The following GRM8 variants were observed in gnomAD, a reference collection of about 807,000 sequenced individuals.
The protein encoded by GRM8 is metabotropic glutamate receptor 8.
GRM8 carries 47 observed loss-of-function variants against 87.2 expected under a neutral mutation model. The ratio of observed to expected loss-of-function variants is 0.54; its 90% CI spans 0.43 to 0.69. GRM8 has a LOEUF of 0.69. Ranked by LOEUF, GRM8 falls within the 30% of genes least tolerant of loss-of-function variation. The probability of loss-of-function intolerance (pLI) is 0.00; values close to 1 mark genes in which losing one functional copy is unlikely to be tolerated. For missense variants in GRM8, 1,019 were observed against 1,139.2 expected (o/e 0.89, Z 1.52); for synonymous variants, 396 against 404.5 (o/e 0.98, Z 0.25).
chr7:126,482,849 G>A (rs1248666393), intron 9 of GRM8, among the ~76,000 whole-genome samples: 1 of 151,692 alleles, frequency 6.6e-6, no homozygotes, highest in East Asian at 1.9e-4. Context: ...AATTTTAAAG[G>A]GGAAAAACAT....
Position 126,626,101 on chromosome 7 carries a change from A to AGTGTGTGTGTGTGTGT in GRM8, c.1358-16619_1358-16604dup, listed in dbSNP as rs71312854. On this transcript the variant is annotated intron_variant, in intron 7 of 10. Coordinates refer to ENST00000339582, the MANE Select transcript of GRM8 (RefSeq NM_000845.3). ...TAGTGATGATTACATATATGAGAGA[A>AGTGTGTGTGTGTGTGT]GTGTGTGTGTGTGTGTGTGTGTGTG... Among the ~76,000 whole-genome samples, 892 of 148,822 alleles carry AGTGTGTGTGTGTGTGT rather than the reference A, an allele frequency of 6.0e-3. 7 individuals are homozygous for AGTGTGTGTGTGTGTGT. The highest frequency in any genetic ancestry group is 0.013 in the East Asian group (68 of 5,044).
chr7:127,129,619 T>C (rs1827564305), intron 2 of GRM8, among the ~76,000 whole-genome samples: 1 of 152,074 alleles, frequency 6.6e-6, no homozygotes, highest in Non-Finnish European at 1.5e-5. Flanking sequence ...TTACACACAG[T>C]AGGGGATTTA....
At chr7:127,239,839 C>T (rs899674091) in intron 2 of GRM8, among the ~76,000 whole-genome samples, 1 of 152,322 alleles carries the variant, frequency 6.6e-6, no homozygotes, top group South Asian at 2.1e-4. Flanking sequence ...CCAGAATCAC[C>T]TGTAAGATGG....
At chr7:126,602,810 G>A (rs991536621) in intron 8 of GRM8, among the ~76,000 whole-genome samples, 3 of 149,092 alleles carry the variant, frequency 2.0e-5, no homozygotes, top group African/African-American at 7.4e-5. Context: ...AGAGGTACAA[G>A]GAGGAACTGG....
intron 6 of GRM8, among the ~76,000 whole-genome samples, chr7:126,818,842 C>A (rs1794023027): frequency 6.6e-6 from 1 of 152,170 alleles, no homozygotes; most frequent in Non-Finnish European, 1.5e-5. Flanking sequence ...ACTCAGCTGT[C>A]CCATGTCAGC....
At chr7:126,514,821 G>T (rs1811942086) in intron 9 of GRM8, among the ~76,000 whole-genome samples, 1 of 151,588 alleles carries the variant, frequency 6.6e-6, no homozygotes, top group Non-Finnish European at 1.5e-5. Flanking sequence ...TATTTGGAGG[G>T]GTTAATATTT....
At chr7:126,648,565 T>C (rs1803436065) in intron 7 of GRM8, among the ~76,000 whole-genome samples, 1 of 152,206 alleles carries the variant, frequency 6.6e-6, no homozygotes, top group Non-Finnish European at 1.5e-5. Context: ...GTAAGAACAA[T>C]AGAACTGTCT....
chr7:126,856,588 T>C (rs1267266483), intron 6 of GRM8, among the ~76,000 whole-genome samples: 1 of 152,224 alleles, frequency 6.6e-6, no homozygotes, highest in Non-Finnish European at 1.5e-5. Flanking sequence ...GACTACTGAA[T>C]AAATTCATAA....
chr7:126,643,254 G>A (rs184440337), intron 7 of GRM8, among the ~76,000 whole-genome samples: 569 of 126,070 alleles, frequency 4.5e-3, no homozygotes, highest in Non-Finnish European at 6.0e-3. Flanking sequence ...TTGTGCCACT[G>A]TACTCCAGCA....
intron 6 of GRM8, among the ~76,000 whole-genome samples, chr7:126,832,499 AAAGTT>A (rs1563231169): frequency 6.6e-6 from 1 of 152,224 alleles, no homozygotes; most frequent in African/African-American, 2.4e-5. Context: ...AAAACACTAT[AAAGTT>A]GAGTTAAAAT....
intron 3 of GRM8, among the ~76,000 whole-genome samples, chr7:127,018,327 G>A (rs974210534): frequency 3.3e-5 from 5 of 151,308 alleles, no homozygotes; most frequent in African/African-American, 1.2e-4. Flanking sequence ...AAAGTCAGAG[G>A]GAGCAGAGTC....
At chr7:126,531,790 T>C (rs955289270) in intron 9 of GRM8, among the ~76,000 whole-genome samples, 1 of 152,264 alleles carries the variant, frequency 6.6e-6, no homozygotes, top group Non-Finnish European at 1.5e-5. Context: ...CTCATACTAA[T>C]GAGCTTTCTG....
intron 6 of GRM8, among the ~76,000 whole-genome samples, chr7:126,815,744 T>C (rs1036124520): frequency 2.0e-5 from 3 of 152,150 alleles, no homozygotes; most frequent in African/African-American, 7.2e-5. Context: ...ATAAGGACTA[T>C]AAACTATTCT....
intron 2 of GRM8, among the ~76,000 whole-genome samples, chr7:127,134,502 C>A (rs1222431766): frequency 6.6e-6 from 1 of 152,000 alleles, no homozygotes; most frequent in East Asian, 1.9e-4. Context: ...GTGTGAGAAC[C>A]AAATGGGATT....
intron 8 of GRM8, among the ~76,000 whole-genome samples, chr7:126,591,989 T>C (rs1033091794): frequency 6.6e-6 from 1 of 151,426 alleles, no homozygotes; most frequent in Non-Finnish European, 1.5e-5. Context: ...TGCAAACAAA[T>C]AGAAAAACTC....
intron 8 of GRM8, among the ~76,000 whole-genome samples, chr7:126,545,105 G>A (rs577202431): frequency 2.6e-4 from 39 of 152,286 alleles, no homozygotes; most frequent in East Asian, 1.9e-4. Context: ...AAAAAGCCAC[G>A]TAAAAGAGTG....
intron 3 of GRM8, among the ~76,000 whole-genome samples, chr7:126,942,826 C>G (rs988463240): frequency 6.6e-6 from 1 of 152,130 alleles, no homozygotes; most frequent in African/African-American, 2.4e-5. Flanking sequence ...GTAGCACAGA[C>G]TCATGAGAAC....
intron 9 of GRM8, among the ~76,000 whole-genome samples, chr7:126,481,003 C>T (rs918675443): frequency 2.9e-4 from 44 of 151,702 alleles, no homozygotes; most frequent in African/African-American, 1.1e-3. Flanking sequence ...TGGGGCATGC[C>T]AAAGGTAAAC....
At chr7:126,605,194 G>A (rs1403082693) in intron 8 of GRM8, among the ~76,000 whole-genome samples, 1 of 151,984 alleles carries the variant, frequency 6.6e-6, no homozygotes, top group Non-Finnish European at 1.5e-5. Flanking sequence ...TGTTTACTCT[G>A]AACCTCTAGG....
Sources: allele counts gnomAD v4.1 joint callset (sites outside exome capture counted in the v4.1 genomes callset), GRCh38; gene constraint gnomAD v4.1.1; transcripts MANE v1.5; gene names NCBI Gene and HGNC (gene_info 2026-07-23, HGNC 2026-07-21).